Variants in ZNF668 observed in about 807,000 individuals in gnomAD.
ZNF668 encodes zinc finger protein 668.
A neutral mutation model predicts 40.3 loss-of-function variants in ZNF668; 10 were observed. The observed-to-expected ratio is 0.25, with a 90% CI of 0.15 to 0.42. The LOEUF is 0.42. ZNF668 is among the 10% of genes least tolerant of loss of function. The pLI, the probability that ZNF668 is intolerant of heterozygous loss-of-function variation, is 1.00. For synonymous variants in ZNF668, 428 were observed against 384.6 expected (o/e 1.11, Z -1.32); for missense variants, 749 against 904.6 (o/e 0.83, Z 2.21).
chr16:31,064,803 C>G, intron 1 of ZNF668: 1 of 1,465,704 alleles, frequency 6.8e-7, no homozygotes, highest in Non-Finnish European at 9.0e-7. Flanking sequence ...GTCTCACCAT[C>G]TTCCTTCTTC....
chr16:31,061,835 G>A lies in ZNF668; in HGVS notation c.1093C>T (p.Arg365Cys), dbSNP rs568927051. 2.5e-6 allele frequency: 4 copies of A among 1,613,006 alleles called. No individual in the cohort carries two copies. Among genetic ancestry groups the A allele is most frequent in the South Asian group, 1.1e-5 (1 of 91,056 alleles). The change falls in exon 3 of 3, where the codon CGC becomes TGC. Residue 365 changes from arginine to cysteine, a missense_variant. Transcript: ENST00000300849. The surrounding 1 kb of genome is among the most constrained non-coding windows in gnomAD (Gnocchi z 7.7). ...AAGGCTCGCCCGCACTCCTCACAGC[G>A]GAAGGGCCGCTGGCCAGAGTGCACC... is the stretch of plus-strand genomic sequence containing the variant. ...ALVHSGQRPF[R>C]CEECGRAFAE...
chr16:31,066,095 C>A lies in ZNF668; in HGVS notation c.-22-1614G>T, dbSNP rs963413297. ...GCAAGGGCCACATCCTTAAAGTCAG[C>A]ACCCTTCTGCCTGAAATCCCGGCCT... On this transcript the variant is annotated intron_variant, in intron 1 of 2. Coordinates refer to ENST00000300849, the MANE Select transcript of ZNF668 (RefSeq NM_024706.5). 3.0e-6 allele frequency: 3 copies of A among 985,306 alleles called. No homozygotes were observed. In the African/African-American group the frequency reaches 5.2e-5, roughly 17 times the overall value. 61.0% of individuals were successfully genotyped at this position (985,306 alleles called of 1,614,324 possible). A position where few individuals can be genotyped will look rare whatever the true frequency, so the allele number is the denominator to read the frequency against.
chr16:31,068,518 AGACTTTTTT>A (rs2056994949), intron 1 of ZNF668, among the ~76,000 whole-genome samples: 1 of 126,942 alleles, frequency 7.9e-6, no homozygotes, highest in African/African-American at 3.0e-5. Flanking sequence ...CACCACGCCC[AGACTTTTTT>A]TTTTTTTTTT....
chr16:31,073,376 T>C (rs1243765707), intron 1 of ZNF668: 2 of 151,890 alleles, frequency 1.3e-5, no homozygotes, highest in Non-Finnish European at 2.9e-5. Context: ...ACCCAAAACA[T>C]GGCGGGCTCT....
Position 31,063,766 on chromosome 16 carries a change from C to A in ZNF668, c.647+47G>T, listed in dbSNP as rs773801620. 2.7e-5 allele frequency: 40 copies of A among 1,480,616 alleles called. No homozygotes were observed. In the East Asian group the frequency reaches 9.5e-4, roughly 35 times the overall value. The allele number at this position is 1,480,616 out of a possible 1,614,324, so 91.7% of individuals were successfully genotyped here. ...CCAGGCCCCATTGGCTGCAGCAACGCTGTCGCCCTGCCCCGGAAGGCGCCC... is the reference window on the plus strand; with the variant it reads ...CCAGGCCCCATTGGCTGCAGCAACGATGTCGCCCTGCCCCGGAAGGCGCCC... On this transcript the variant is annotated intron_variant, in intron 2 of 2. Coordinates refer to ENST00000300849, the MANE Select transcript of ZNF668 (RefSeq NM_024706.5).
intron 1 of ZNF668, 105 bp downstream of exon 1, chr16:31,073,554 A>C (rs1166648221): frequency 6.6e-6 from 1 of 152,090 alleles, no homozygotes; most frequent in African/African-American, 2.4e-5. Flanking sequence ...GCGCTGGGCC[A>C]ACCCGGCCCG....
intron 1 of ZNF668, among the ~76,000 whole-genome samples, chr16:31,072,182 C>T (rs2057019554): frequency 6.6e-6 from 1 of 152,196 alleles, no homozygotes; most frequent in Non-Finnish European, 1.5e-5. Flanking sequence ...GTTAATTCTT[C>T]ATCACCAGCA....
chr16:31,073,611 C>G (rs1432731137), intron 1 of ZNF668, 48 bp downstream of exon 1: 1 of 152,216 alleles, frequency 6.6e-6, no homozygotes, highest in African/African-American at 2.4e-5. Context: ...ATCGTGGCCG[C>G]GTGGGAGCTG....
Position 31,062,277 on chromosome 16 carries a change from G to C in ZNF668, c.651C>G (p.Ser217=). The part of the protein sequence containing the change: ...ELKDLRNHER[S]HTGERPFLCS... ...AGAGGAAGGGGCGCTCGCCGGTGTG[G>C]GACCTGCGGGGGTGTGGAGGACTTG... Residue 217 remains serine (S), a synonymous_variant, in exon 3 of 3, where the codon TCC becomes TCG. Transcript: ENST00000300849. 6.3e-7 allele frequency: 1 copy of C among 1,596,502 alleles called. No homozygotes were observed. Among genetic ancestry groups the C allele is most frequent in the Non-Finnish European group, 8.5e-7 (1 of 1,172,034 alleles).
chr16:31,064,023 G>C lies in ZNF668; in HGVS notation c.437C>G (p.Pro146Arg). 1.2e-6 allele frequency: 2 copies of C among 1,606,134 alleles called. No individual in the cohort carries two copies. Among genetic ancestry groups the C allele is most frequent in the Non-Finnish European group, 1.7e-6 (2 of 1,174,740 alleles). Residue 146 changes from proline to arginine, a missense_variant, in exon 2 of 3, where the codon CCG becomes CGG. Physicochemically the swap from Pro to Arg is moderately radical, Grantham distance 103. Around this residue, in one of 4 missense-constraint regions of ZNF668, gnomAD observed 151 missense variants for 178.6 expected, o/e 0.85. Transcript: ENST00000300849. ...GELPFRCAHC[P>R]KAYGALSKLK... ...CTTGGAGAGCGCGCCATAGGCCTTC[G>C]GGCAGTGCGCACAGCGGAAGGGCAG...
intron 1 of ZNF668, chr16:31,069,007 G>A (rs2056997616): frequency 6.6e-6 from 1 of 152,032 alleles, no homozygotes. Context: ...TTCAGATATT[G>A]AGATTAAGGT....
intron 1 of ZNF668, chr16:31,073,296 G>C (rs899074728): frequency 1.3e-5 from 2 of 152,418 alleles, no homozygotes; most frequent in Non-Finnish European, 2.9e-5. Flanking sequence ...AGTGGTGGCC[G>C]GGCCTCAGCA....
chr16:31,066,763 T>G (rs1334043240), intron 1 of ZNF668, among the ~76,000 whole-genome samples: 1 of 152,100 alleles, frequency 6.6e-6, no homozygotes, highest in Non-Finnish European at 1.5e-5. Context: ...AGGGACTGAA[T>G]TCTAACCTTT....
intron 1 of ZNF668, among the ~76,000 whole-genome samples, chr16:31,068,239 A>AAAATATATATATAT (rs1473353128): frequency 2.4e-5 from 2 of 83,012 alleles, no homozygotes; most frequent in African/African-American, 1.0e-4. Flanking sequence ...AAAAAAAAAA[A>AAAATATATATATAT]ATATATATAT....
In ZNF668 at chr16:31,061,657, G is replaced by A. The variant is rs770895382; in HGVS notation, c.1271C>T (p.Pro424Leu). 1 of 1,612,926 alleles carries A rather than the reference G, an allele frequency of 6.2e-7. No individual in the cohort carries two copies. The highest frequency in any genetic ancestry group is 8.5e-7 in the Non-Finnish European group (1 of 1,179,898). ...CAACCCCACCACCAGCTCCTGTGCA[G>A]GGGGCACACCCGCGGCCTCACTGCT... is the stretch of plus-strand genomic sequence containing the variant. ...HRSSEAAGVP[P>L]AQELVVGLAL... Residue 424 changes from proline to leucine, a missense_variant, in exon 3 of 3, where the codon CCT (proline) becomes CTT (leucine). Coordinates refer to ENST00000300849, the MANE Select transcript of ZNF668 (RefSeq NM_024706.5). The surrounding 1 kb of genome is among the most constrained non-coding windows in gnomAD (Gnocchi z 7.7).
chr16:31,064,906 G>A, intron 1 of ZNF668: 1 of 1,401,308 alleles, frequency 7.1e-7, no homozygotes, highest in Non-Finnish European at 9.2e-7. Context: ...AGACAGACCT[G>A]GGACCAGAAA....
intron 1 of ZNF668, among the ~76,000 whole-genome samples, chr16:31,071,700 C>G (rs913568452): frequency 1.5e-4 from 23 of 152,194 alleles, no homozygotes; most frequent in African/African-American, 5.3e-4. Context: ...AGATGCTCCT[C>G]CACTATGGCT....
At chr16:31,062,775 A>AG (rs2056943631) in intron 2 of ZNF668, 1 of 57,950 alleles carries the variant, frequency 1.7e-5, no homozygotes, top group African/African-American at 6.8e-5. Context: ...AAAAAAAAAA[A>AG]AAAAAAAGAA....
rs777010483 is a variant in ZNF668, at chr16:31,073,821, G to A, written c.-185C>T. The A allele has an allele frequency of 1.6e-4, 24 of 152,272 alleles. No homozygotes were observed. Among genetic ancestry groups the A allele is most frequent in the African/African-American group, 5.5e-4 (23 of 41,466 alleles). 9.4% of individuals were successfully genotyped at this position (152,272 alleles called of 1,614,324 possible). ...GTGAGGGATCTTCCTCAGCTAGGAA[G>A]GAAGGGAAAGTTCCCGGGGAACCTC... On this transcript the variant is annotated 5_prime_UTR_variant, in exon 1 of 3. Coordinates refer to ENST00000300849, the MANE Select transcript of ZNF668 (RefSeq NM_024706.5).
Sources: gnomAD v4.1 joint callset for allele counts (sites outside exome capture counted in the v4.1 genomes callset) on GRCh38, gnomAD v4.1.1 for gene constraint, gnomAD v4.1.1 regional missense constraint, Gnocchi (gnomAD v3.1) non-coding constraint, MANE v1.5 for transcripts, NCBI Gene and HGNC (gene_info 2026-07-23, HGNC 2026-07-21) for gene names.